The following ADGRG1 variants were observed in gnomAD, a reference collection of about 807,000 sequenced individuals.
ADGRG1 encodes the protein adhesion G protein-coupled receptor G1.
In ADGRG1, 53 loss-of-function variants were observed where a neutral mutation model predicts 73.5. That is an observed-to-expected ratio of 0.72 (90% CI 0.58 to 0.91). The LOEUF (loss-of-function observed/expected upper bound fraction) is 0.91, where lower values mean the gene tolerates loss of function less well. Among genes scored for constraint, ADGRG1 ranks in the 40% least tolerant of loss-of-function variants. ADGRG1 has a pLI of 0.00. For missense variants in ADGRG1, 795 were observed against 871.8 expected (o/e 0.91, Z 1.11); for synonymous variants, 394 against 374.4 (o/e 1.05, Z -0.60).
At chr16:57,651,938 T>G in intron 3 of ADGRG1, 2 of 1,335,502 alleles carry the variant, frequency 1.5e-6, no homozygotes, top group Admixed American at 3.1e-5. Context: ...GAGGTCTGAA[T>G]AGGGTGAGAG....
chr16:57,648,328 C>T (rs1408755324), intron 1 of ADGRG1: 1 of 380,000 alleles, frequency 2.6e-6, no homozygotes, highest in Non-Finnish European at 3.6e-6. Context: ...CAAAAGGAAT[C>T]AAAATGCTTA....
intron 1 of ADGRG1, among the ~76,000 whole-genome samples, chr16:57,644,721 G>A (rs28657042): frequency 0.012 from 584 of 50,120 alleles, 1 homozygote; most frequent in African/African-American, 0.051. Flanking sequence ...CTGATCACAC[G>A]CACTGGCACA....
chr16:57,636,580 G>A (rs1567691201), intron 1 of ADGRG1: 1 of 985,156 alleles, frequency 1.0e-6, no homozygotes, highest in Non-Finnish European at 1.2e-6. Flanking sequence ...CCCTCACATA[G>A]CCTGAGTGGC....
intron 9 of ADGRG1, among the ~76,000 whole-genome samples, chr16:57,657,107 A>G (rs555222673): frequency 2.0e-5 from 3 of 152,362 alleles, no homozygotes; most frequent in Admixed American, 1.3e-4. Flanking sequence ...TAGAAGAATA[A>G]TCAATGCCAG....
At chr16:57,635,189 C>G in intron 1 of ADGRG1, 1 of 985,354 alleles carries the variant, frequency 1.0e-6, no homozygotes, top group Non-Finnish European at 1.2e-6. Flanking sequence ...CCCCATGGCA[C>G]TTCCCCTGCC....
upstream of ADGRG1, among the ~76,000 whole-genome samples, chr16:57,624,942 C>T (rs2035546822): frequency 6.6e-6 from 1 of 152,124 alleles, no homozygotes; most frequent in African/African-American, 2.4e-5. Context: ...ATTTTGGTCC[C>T]CACTTGGCAG....
rs1410494733 is a variant in ADGRG1 at position 57,663,226 on chromosome 16, T to A, written c.1934-226T>A. Reference sequence around the variant, plus strand: ...GTTTACAAAAGAGAATAGTAATGAATAGGATGGGCCTAGGAAGTTTGTGAC... The same window carrying A: ...GTTTACAAAAGAGAATAGTAATGAAAAGGATGGGCCTAGGAAGTTTGTGAC... On this transcript the variant is annotated intron_variant, in intron 13 of 13. Transcript: ENST00000562631. The A allele has an allele frequency of 3.7e-6, 3 of 807,640 alleles. No individual in the cohort carries two copies. In the African/African-American group the frequency reaches 5.6e-5, roughly 15 times the overall value. 50.0% of individuals were successfully genotyped at this position (807,640 alleles called of 1,614,324 possible).
intron 1 of ADGRG1, 145 bp from the exon 2 acceptor site, chr16:57,650,108 G>C: frequency 6.7e-7 from 1 of 1,486,638 alleles, no homozygotes; most frequent in African/African-American, 1.4e-5. Flanking sequence ...GCCTCTGGCC[G>C]CTCTGGGGAG....
intron 13 of ADGRG1, among the ~76,000 whole-genome samples, chr16:57,662,422 T>C (rs1476078570): frequency 6.6e-6 from 1 of 151,850 alleles, no homozygotes; most frequent in Non-Finnish European, 1.5e-5. Context: ...TGGGGGGGCC[T>C]CCCTACTCCA....
upstream of ADGRG1, chr16:57,626,733 TGGG>T (rs1405372589): frequency 1.0e-6 from 1 of 985,074 alleles, no homozygotes; most frequent in Non-Finnish European, 1.2e-6. Context: ...GTGGTGGTGG[TGGG>T]GGGACAGCTG....
At chr16:57,631,403 G>A in intron 1 of ADGRG1, 1 of 985,908 alleles carries the variant, frequency 1.0e-6, no homozygotes, top group Non-Finnish European at 1.2e-6. Flanking sequence ...TTTCAGGGAT[G>A]CAGGATGGGC....
chr16:57,661,609 A>G, intron 12 of ADGRG1, 88 bp from the exon 13 acceptor site: 4 of 1,543,508 alleles, frequency 2.6e-6, no homozygotes, highest in Non-Finnish European at 2.6e-6. Context: ...TAAACAGTGG[A>G]TAATCCTGAA....
Position 57,654,836 on chromosome 16 carries a change from T to C in ADGRG1, c.769-563T>C, listed in dbSNP as rs374138069. Among the ~76,000 whole-genome samples, 390 of 152,286 alleles carry C rather than the reference T, an allele frequency of 2.6e-3. 1 individual carries two copies. The highest frequency in any genetic ancestry group is 8.6e-3 in the African/African-American group (358 of 41,566). ...CGGAGGTTGCAGTGAGCTGAGATTG[T>C]GCCACTACACTCCAGCCTGGGCAAC... is the stretch of plus-strand genomic sequence containing the variant. On this transcript the variant is annotated intron_variant, in intron 5 of 13. Transcript: ENST00000562631.
At chr16:57,654,164 GCGGGTTGGGC>G in intron 5 of ADGRG1, 31 bp downstream of exon 5, 1 of 1,602,250 alleles carries the variant, frequency 6.2e-7, no homozygotes, top group Non-Finnish European at 8.5e-7. Flanking sequence ...GGAAGCAGAT[GCGGGTTGGGC>G]CGGGGCCAGA....
At chr16:57,622,283 A>G (rs1002960866) in intron 2 of ADGRG1, among the ~76,000 whole-genome samples, 6 of 152,180 alleles carry the variant, frequency 3.9e-5, no homozygotes, top group African/African-American at 1.2e-4. Context: ...AATTTGGTGC[A>G]AAATCTCATG....
intron 1 of ADGRG1, 193 bp downstream of exon 1, chr16:57,628,995 A>T (rs1463695334): frequency 4.3e-6 from 2 of 469,156 alleles, no homozygotes; most frequent in Non-Finnish European, 5.3e-6. Context: ...TGAGAATGTG[A>T]GTGTGAGTGT....
At chr16:57,638,685 G>A (rs1158755788) in intron 1 of ADGRG1, among the ~76,000 whole-genome samples, 1 of 152,210 alleles carries the variant, frequency 6.6e-6, no homozygotes, top group Non-Finnish European at 1.5e-5. Context: ...CTTGTTTTGA[G>A]GGCAGGGCCA....
At chr16:57,644,901 CTCA>C (rs2042135557) in intron 1 of ADGRG1, among the ~76,000 whole-genome samples, 3 of 144,386 alleles carry the variant, frequency 2.1e-5, no homozygotes, top group South Asian at 2.2e-4. Flanking sequence ...GGCACACACA[CTCA>C]TCACTTCATA....
rs797045602 is a variant in ADGRG1 at position 57,655,918 on chromosome 16, A to ATT, written c.944_945dup (p.Val316LeufsTer8). 1 of 1,614,084 alleles carries ATT rather than the reference A, an allele frequency of 6.2e-7. No homozygotes were observed. The highest frequency in any genetic ancestry group is 8.5e-7 in the Non-Finnish European group (1 of 1,180,014). ...AGTCCTGGGTGAGAAGGTCTTGGGGATTGTGGTACAGAACACCAAAGTAGC... is the reference window on the plus strand; with the variant it reads ...AGTCCTGGGTGAGAAGGTCTTGGGGATTTTGTGGTACAGAACACCAAAGTAGC... On this transcript the variant is annotated frameshift_variant, in exon 7 of 14. Transcript: ENST00000562631. LOFTEE classifies it high-confidence loss of function.
Sources: allele counts gnomAD v4.1 joint callset (sites outside exome capture counted in the v4.1 genomes callset), GRCh38; gene constraint gnomAD v4.1.1; transcripts MANE v1.5; gene names NCBI Gene and HGNC (gene_info 2026-07-23, HGNC 2026-07-21).